SAMM50: variants seen among roughly 807,000 people sequenced by gnomAD.
The protein encoded by SAMM50 is sorting and assembly machinery component 50 homolog.
In SAMM50, 47 loss-of-function variants were observed where a neutral mutation model predicts 66.9. That is an observed-to-expected ratio of 0.70 (90% confidence interval 0.56 to 0.90). The LOEUF is 0.90. Ranked by LOEUF, SAMM50 falls within the 40% of genes least tolerant of loss-of-function variation. SAMM50 has a pLI of 0.00. For synonymous variants in SAMM50, 191 were observed against 214.1 expected, an observed-to-expected ratio of 0.89 and a Z score of 0.94; for missense variants, 535 against 595.3, an observed-to-expected ratio of 0.90 and a Z score of 1.05.
intron 12 of SAMM50, chr22:43,986,661 C>G (rs2050295651): frequency 6.6e-6 from 1 of 152,088 alleles, no homozygotes; most frequent in Non-Finnish European, 1.5e-5. Flanking sequence ...AGCGATTCCC[C>G]CTGCCTCAAC....
rs140525689 is a variant in SAMM50 at position 43,983,963 on chromosome 22, C to T, written c.1038C>T (p.Arg346=). 3.8e-5 allele frequency: 62 copies of T among 1,611,638 alleles called. No individual in the cohort carries two copies. The highest frequency in any genetic ancestry group is 8.8e-5 in the South Asian group (8 of 90,416). Residue 346 remains arginine (R), a synonymous_variant, in exon 12 of 15, where the codon CGC becomes CGT. Transcript: ENST00000350028. This position sits in a 1 kb window ranked among gnomAD's most constrained non-coding sequence, Gnocchi z 4.2. Reference sequence around the variant, plus strand: ...ACCTTGGGGGACCCACAAGCATCCGCGGATTCAGCATGCACAGCATCGGGC... The same window carrying T: ...ACCTTGGGGGACCCACAAGCATCCGTGGATTCAGCATGCACAGCATCGGGC... ...RFYLGGPTSI[R]GFSMHSIGPQ...
At chr22:43,960,011 T>G (rs1036448651) in intron 1 of SAMM50, among the ~76,000 whole-genome samples, 8 of 152,210 alleles carry the variant, frequency 5.3e-5, no homozygotes, top group Non-Finnish European at 7.3e-5. Context: ...AGAATACGGA[T>G]GGACCTGGAA....
chr22:43,993,237 C>T (rs991217958), intron 14 of SAMM50, among the ~76,000 whole-genome samples: 2 of 152,168 alleles, frequency 1.3e-5, no homozygotes, highest in African/African-American at 4.8e-5. Flanking sequence ...CGCTCTCTGA[C>T]ACAGTCCCTG....
intron 1 of SAMM50, among the ~76,000 whole-genome samples, chr22:43,957,773 T>C (rs1375442232): frequency 6.6e-6 from 1 of 152,024 alleles, no homozygotes; most frequent in Non-Finnish European, 1.5e-5. Context: ...TTTTTTGTTG[T>C]TGTTGAGACA....
intron 12 of SAMM50, among the ~76,000 whole-genome samples, chr22:43,985,019 A>G (rs1392690749): frequency 6.6e-6 from 1 of 152,028 alleles, no homozygotes; most frequent in Middle Eastern, 3.2e-3. Context: ...CATTTTTAAC[A>G]GGTACATATT....
chr22:43,989,950 C>A (rs974541913), intron 13 of SAMM50, among the ~76,000 whole-genome samples: 24 of 152,240 alleles, frequency 1.6e-4, no homozygotes, highest in African/African-American at 5.5e-4. Flanking sequence ...ATGGAAGTCT[C>A]CAAGCTGAGA....
chr22:43,981,340 G>C lies in SAMM50; in HGVS notation c.937-51G>C, dbSNP rs777040632. ...CCAGTTGCTAGTTGCTGATGTTCCT[G>C]GAGTGAAAGGAATGCTGGGAGAAAA... On this transcript the variant is annotated intron_variant, in intron 10 of 14. Transcript: ENST00000350028. 12 of 1,434,510 alleles carry C rather than the reference G, an allele frequency of 8.4e-6. No individual in the cohort carries two copies. In the South Asian group the frequency reaches 1.1e-4, roughly 14 times the overall value. The allele number at this position is 1,434,510 out of a possible 1,614,324, so 88.9% of individuals were successfully genotyped here. A position where few individuals can be genotyped will look rare whatever the true frequency, so the allele number is the denominator to read the frequency against.
chr22:43,957,387 C>A, intron 1 of SAMM50: 2 of 425,594 alleles, frequency 4.7e-6, no homozygotes, highest in South Asian at 2.9e-5. Flanking sequence ...GATTTGTGCT[C>A]TTGAAAAAAA....
At chr22:43,975,817 T>C (rs1460920222) in intron 7 of SAMM50, 1 of 463,436 alleles carries the variant, frequency 2.2e-6, no homozygotes, top group African/African-American at 1.9e-5. Flanking sequence ...GCAGTCCTGC[T>C]ACTTAGAGCA....
At chr22:43,990,743 G>A (rs1359410936) in intron 14 of SAMM50, among the ~76,000 whole-genome samples, 2 of 152,078 alleles carry the variant, frequency 1.3e-5, no homozygotes, top group African/African-American at 4.8e-5. Flanking sequence ...TTGAGCAGTT[G>A]ACTTTGCAGG....
At chr22:43,958,476 C>T (rs202245261) in intron 1 of SAMM50, among the ~76,000 whole-genome samples, 6 of 112,562 alleles carry the variant, frequency 5.3e-5, no homozygotes, top group East Asian at 2.8e-4. Context: ...TTATGGAGCT[C>T]TTTTTTTTTT....
At chr22:43,977,807 A>C in intron 9 of SAMM50, 65 bp from the exon 10 acceptor site, 1 of 1,099,112 alleles carries the variant, frequency 9.1e-7, no homozygotes, top group South Asian at 1.4e-5. Context: ...ATGCAAAAAC[A>C]TGATTCTGTA....
At chr22:43,965,341 G>A (rs2050167627) in intron 3 of SAMM50, among the ~76,000 whole-genome samples, 1 of 151,972 alleles carries the variant, frequency 6.6e-6, no homozygotes, top group Non-Finnish European at 1.5e-5. Context: ...AAGTAGCTGG[G>A]ATTACAGATG....
At chr22:43,963,849 C>T (rs12170274) in intron 2 of SAMM50, among the ~76,000 whole-genome samples, 8,524 of 151,588 alleles carry the variant, frequency 0.056, 258 homozygotes, top group Middle Eastern at 0.078. Context: ...ATTTATTGTG[C>T]CACCTGAAAT....
At chr22:43,961,331 C>T (rs1312192728) in intron 1 of SAMM50, among the ~76,000 whole-genome samples, 1 of 152,060 alleles carries the variant, frequency 6.6e-6, no homozygotes, top group African/African-American at 2.4e-5. Flanking sequence ...TGGGAATCCT[C>T]GTGTGGTTAA....
At chr22:43,989,864 C>G (rs2050313937) in intron 13 of SAMM50, among the ~76,000 whole-genome samples, 1 of 152,166 alleles carries the variant, frequency 6.6e-6, no homozygotes, top group Non-Finnish European at 1.5e-5. Flanking sequence ...GTGCCTTCCT[C>G]AGGGAGTTCA....
chr22:43,975,526 A>G (rs61473277), intron 7 of SAMM50: 26,713 of 152,800 alleles, frequency 0.17, 2,585 homozygotes, highest in East Asian at 0.38. Flanking sequence ...AGCAGGTGCC[A>G]CCTGCTTGGA....
intron 14 of SAMM50, 135 bp from the exon 15 acceptor site, chr22:43,996,203 G>C: frequency 2.1e-6 from 2 of 944,864 alleles, no homozygotes; most frequent in East Asian, 2.4e-5. Flanking sequence ...GGGTGAGGCC[G>C]GCAGCCAGGC....
At chr22:43,974,745 C>G (rs1166753833) in intron 7 of SAMM50, 1 of 152,390 alleles carries the variant, frequency 6.6e-6, no homozygotes, top group African/African-American at 2.4e-5. Context: ...TGTCCTCCAG[C>G]AGGTCTCCAG....
Sources: allele counts gnomAD v4.1 joint callset (sites outside exome capture counted in the v4.1 genomes callset), GRCh38; gene constraint gnomAD v4.1.1; non-coding constraint Gnocchi (gnomAD v3.1); transcripts MANE v1.5; gene names NCBI Gene and HGNC (gene_info 2026-07-23, HGNC 2026-07-21).